Variants in SUCLG2 observed in about 807,000 individuals in gnomAD.
SUCLG2 encodes the protein succinate-CoA ligase GDP-forming subunit beta.
A neutral mutation model predicts 47.9 loss-of-function variants in SUCLG2; 42 were observed. That is an observed-to-expected ratio of 0.88 (90% CI 0.69 to 1.14). SUCLG2 has a LOEUF of 1.14. SUCLG2 is among the 50% of genes most tolerant of loss of function. The pLI, the probability that SUCLG2 is intolerant of heterozygous loss-of-function variation, is 0.00. For missense variants in SUCLG2, 571 were observed against 525.9 expected (o/e 1.09, Z -0.84); for synonymous variants, 195 against 197.3 (o/e 0.99, Z 0.10).
At chr3:67,400,169 AC>A (rs1301232010) in intron 10 of SUCLG2, among the ~76,000 whole-genome samples, 2 of 150,986 alleles carry the variant, frequency 1.3e-5, no homozygotes, top group Non-Finnish European at 3.0e-5. Flanking sequence ...AAAGTTATTT[AC>A]AAACCTGTAA....
At chr3:67,411,120 A>G (rs1241784976) in intron 9 of SUCLG2, among the ~76,000 whole-genome samples, 5 of 152,186 alleles carry the variant, frequency 3.3e-5, no homozygotes, top group Admixed American at 6.6e-5. Context: ...CTACCCATCT[A>G]TTGTTGCAAC....
At chr3:67,383,119 C>T (rs1227609589) in intron 10 of SUCLG2, among the ~76,000 whole-genome samples, 3 of 152,178 alleles carry the variant, frequency 2.0e-5, no homozygotes, top group Admixed American at 2.0e-4. Context: ...GTGCCTAATA[C>T]CTAGCACCGT....
rs564314867 is a variant in SUCLG2 at position 67,561,337 on chromosome 3, A to G, written c.227-32151T>C. Among the ~76,000 whole-genome samples, 702 of 152,214 alleles carry G rather than the reference A, an allele frequency of 4.6e-3. 6 individuals are homozygous for G. Among genetic ancestry groups the G allele is most frequent in the African/African-American group, 0.016 (666 of 41,522 alleles). On this transcript the variant is annotated intron_variant, in intron 2 of 10. Coordinates refer to ENST00000307227, the MANE Select transcript of SUCLG2 (RefSeq NM_003848.4). ...GACACAGATGAGCACCAAGAAAATG[A>G]AGTGGGTCTTTAACATCTTTTGCTT...
At chr3:67,511,603 T>G (rs1404239142) in intron 6 of SUCLG2, among the ~76,000 whole-genome samples, 1 of 152,208 alleles carries the variant, frequency 6.6e-6, no homozygotes, top group African/African-American at 2.4e-5. Context: ...TGTGGAATTG[T>G]AAGTAAATTA....
intron 9 of SUCLG2, among the ~76,000 whole-genome samples, chr3:67,453,114 A>G (rs905698239): frequency 6.6e-6 from 1 of 152,320 alleles, no homozygotes. Flanking sequence ...GCAGCTGATT[A>G]GCAAGGACTA....
intron 1 of SUCLG2, among the ~76,000 whole-genome samples, chr3:67,636,224 G>A (rs536725004): frequency 1.3e-5 from 2 of 152,208 alleles, no homozygotes; most frequent in African/African-American, 4.8e-5. Context: ...GAGCTTGTTT[G>A]GGATGAACAA....
At chr3:67,494,007 CTAA>C (rs1283777718) in intron 9 of SUCLG2, among the ~76,000 whole-genome samples, 11 of 152,170 alleles carry the variant, frequency 7.2e-5, no homozygotes, top group Non-Finnish European at 1.3e-4. Context: ...AAGATAAGTG[CTAA>C]TAATACCTTG....
At chr3:67,498,053 G>A in intron 8 of SUCLG2, 81 bp downstream of exon 8, 1 of 1,402,678 alleles carries the variant, frequency 7.1e-7, no homozygotes. Flanking sequence ...CTTCTTCTTG[G>A]TAAGTGACAT....
At chr3:67,496,480 CT>C (rs1223194753) in intron 8 of SUCLG2, among the ~76,000 whole-genome samples, 1 of 152,130 alleles carries the variant, frequency 6.6e-6, no homozygotes, top group Non-Finnish European at 1.5e-5. Flanking sequence ...GGATTTTATA[CT>C]TTTTTACACT....
chr3:67,495,738 A>C, intron 9 of SUCLG2, 60 bp downstream of exon 9: 1 of 1,595,888 alleles, frequency 6.3e-7, no homozygotes, highest in South Asian at 1.1e-5. Context: ...AGAACAAGTG[A>C]GCTCTTGACG....
chr3:67,532,529 T>A (rs1278397344), intron 2 of SUCLG2, among the ~76,000 whole-genome samples: 1 of 152,228 alleles, frequency 6.6e-6, no homozygotes, highest in Non-Finnish European at 1.5e-5. Context: ...TTGCTCTTAA[T>A]TGCTATTTTT....
intron 10 of SUCLG2, among the ~76,000 whole-genome samples, chr3:67,389,175 A>T (rs1372546348): frequency 6.6e-6 from 1 of 152,130 alleles, no homozygotes; most frequent in Admixed American, 6.5e-5. Flanking sequence ...GCAAGAGCAG[A>T]GAGAAAAGGA....
intron 1 of SUCLG2, among the ~76,000 whole-genome samples, chr3:67,654,235 T>A (rs1701341011): frequency 6.6e-6 from 1 of 152,246 alleles, no homozygotes; most frequent in South Asian, 2.1e-4. Context: ...GCCTTCGCCA[T>A]GAGTCTGCGC....
At chr3:67,550,726 G>C (rs1160209176) in intron 2 of SUCLG2, among the ~76,000 whole-genome samples, 2 of 152,218 alleles carry the variant, frequency 1.3e-5, no homozygotes, top group Admixed American at 1.3e-4. Flanking sequence ...ATTAGGTGCA[G>C]TGGATAAGTT....
intron 1 of SUCLG2, among the ~76,000 whole-genome samples, chr3:67,626,326 C>A (rs1041072318): frequency 3.3e-5 from 5 of 151,260 alleles, no homozygotes; most frequent in Non-Finnish European, 7.4e-5. Context: ...GCTGGGCACC[C>A]ATGGAGCAGA....
chr3:67,549,507 A>T (rs1325586087), intron 2 of SUCLG2, among the ~76,000 whole-genome samples: 1 of 152,232 alleles, frequency 6.6e-6, no homozygotes, highest in Non-Finnish European at 1.5e-5. Context: ...ACAAAGTCTG[A>T]AATGATATTA....
intron 2 of SUCLG2, among the ~76,000 whole-genome samples, chr3:67,590,084 G>A (rs1708119711): frequency 6.6e-6 from 1 of 152,096 alleles, no homozygotes; most frequent in Admixed American, 6.5e-5. Context: ...GTTAGGGATG[G>A]GGCCTAACTG....
chr3:67,381,415 C>G (rs930585572), intron 10 of SUCLG2, among the ~76,000 whole-genome samples: 1 of 152,130 alleles, frequency 6.6e-6, no homozygotes, highest in South Asian at 2.1e-4. Flanking sequence ...CTCTCCCTGC[C>G]TTTACTTCTA....
chr3:67,550,862 A>G (rs1231840471), intron 2 of SUCLG2, among the ~76,000 whole-genome samples: 2 of 151,766 alleles, frequency 1.3e-5, no homozygotes, highest in Non-Finnish European at 2.9e-5. Context: ...GCTGATAATA[A>G]AAGTGCTTAC....
Sources: allele counts gnomAD v4.1 joint callset (sites outside exome capture counted in the v4.1 genomes callset), GRCh38; gene constraint gnomAD v4.1.1; transcripts MANE v1.5; gene names NCBI Gene and HGNC (gene_info 2026-07-23, HGNC 2026-07-21).